Variants in TENM3 observed in about 807,000 individuals in gnomAD.
TENM3 encodes teneurin transmembrane protein 3.
TENM3 carries 63 observed loss-of-function variants against 255.1 expected under a neutral mutation model. That is an observed-to-expected ratio of 0.25 (90% CI 0.20 to 0.30). TENM3 has a LOEUF of 0.30. TENM3 is among the 10% of genes least tolerant of loss of function. The probability of loss-of-function intolerance (pLI) is 1.00; values close to 1 mark genes in which losing one functional copy is unlikely to be tolerated. For missense variants in TENM3, 2,929 were observed against 3,461.1 expected, an observed-to-expected ratio of 0.85 and a Z score of 3.86; for synonymous variants, 1,306 against 1,322.3, an observed-to-expected ratio of 0.99 and a Z score of 0.27.
chr4:182,193,836 T>C (rs1173332449), intron 1 of TENM3, among the ~76,000 whole-genome samples: 1 of 152,154 alleles, frequency 6.6e-6, no homozygotes, highest in East Asian at 1.9e-4. Flanking sequence ...TAAGAAATGG[T>C]AAAAGTTGAA....
chr4:182,407,077 A>G (rs1006257065), intron 3 of TENM3, among the ~76,000 whole-genome samples: 1 of 152,196 alleles, frequency 6.6e-6, no homozygotes, highest in Non-Finnish European at 1.5e-5. Context: ...GTTCGACTGT[A>G]AAATAAACAG....
chr4:181,577,884 T>G, the TENM3 span, among the ~76,000 whole-genome samples: 1 of 152,190 alleles, frequency 6.6e-6, no homozygotes, highest in Admixed American at 6.5e-5. Context: ...AATTGTCTCT[T>G]TTGTCCCCAG....
the TENM3 span, among the ~76,000 whole-genome samples, chr4:182,015,433 A>G: frequency 6.6e-5 from 10 of 152,076 alleles, no homozygotes; most frequent in Non-Finnish European, 7.4e-5. Flanking sequence ...CTCTGTTTGG[A>G]CTTCTTACTG....
At chr4:181,515,673 T>C in the TENM3 span, among the ~76,000 whole-genome samples, 2 of 152,160 alleles carry the variant, frequency 1.3e-5, no homozygotes, top group African/African-American at 2.4e-5. Context: ...CATGTCCTAA[T>C]ACTTTTCCTG....
intron 3 of TENM3, among the ~76,000 whole-genome samples, chr4:182,410,454 C>T (rs1021982034): frequency 2.0e-5 from 3 of 152,204 alleles, no homozygotes; most frequent in Admixed American, 6.5e-5. Context: ...CCTCTGTCTC[C>T]CGAGGCTCAC....
intron 3 of TENM3, among the ~76,000 whole-genome samples, chr4:182,527,494 A>T (rs1048512195): frequency 1.9e-4 from 6 of 32,288 alleles, no homozygotes; most frequent in Non-Finnish European, 7.0e-4. Context: ...TGTTGGTTTA[A>T]AAAAAAAAAA....
chr4:181,731,397 G>A, the TENM3 span, among the ~76,000 whole-genome samples: 152 of 152,044 alleles, frequency 1.0e-3, no homozygotes, highest in African/African-American at 3.6e-3. Flanking sequence ...TTTGTCACCC[G>A]GGCTGGAGTG....
At chr4:181,664,267 A>G in the TENM3 span, among the ~76,000 whole-genome samples, 1 of 152,046 alleles carries the variant, frequency 6.6e-6, no homozygotes, top group Non-Finnish European at 1.5e-5. Flanking sequence ...CAGGCATCCA[A>G]GACACCAGCC....
chr4:182,594,683 GGTGTGTGTGTGTGTGTGTGT>G (rs67667219), intron 3 of TENM3, among the ~76,000 whole-genome samples: 8 of 138,252 alleles, frequency 5.8e-5, no homozygotes, highest in African/African-American at 1.7e-4. Context: ...TTTTTGTTTT[GGTGTGTGTGTGTGTGTGTGT>G]GTGTGTGTGT....
At chr4:182,169,290 CAGA>C (rs766641495) in intron 1 of TENM3, 2 of 480,210 alleles carry the variant, frequency 4.2e-6, no homozygotes, top group South Asian at 3.1e-5. Context: ...TATAGCATTT[CAGA>C]AGATCCTGCT....
chr4:181,541,586 C>T, the TENM3 span, among the ~76,000 whole-genome samples: 2 of 152,132 alleles, frequency 1.3e-5, no homozygotes, highest in African/African-American at 4.8e-5. Flanking sequence ...CCACTGCATC[C>T]TATTGCAGAG....
intron 3 of TENM3, among the ~76,000 whole-genome samples, chr4:182,588,722 GAT>G (rs1581029090): frequency 2.0e-5 from 3 of 152,146 alleles, no homozygotes; most frequent in African/African-American, 7.2e-5. Flanking sequence ...ATGTATAAAA[GAT>G]ATGTTTATGT....
the TENM3 span, among the ~76,000 whole-genome samples, chr4:181,696,622 G>C: frequency 1.3e-5 from 2 of 152,038 alleles, no homozygotes; most frequent in African/African-American, 4.8e-5. Context: ...TCAAGTAAGG[G>C]GCCAAATTTG....
chr4:181,630,952 C>T, the TENM3 span, among the ~76,000 whole-genome samples: 1 of 152,146 alleles, frequency 6.6e-6, no homozygotes, highest in African/African-American at 2.4e-5. Flanking sequence ...GAAACATACC[C>T]ACTTATTGGC....
At chr4:182,204,039 G>A (rs770654576) in intron 1 of TENM3, among the ~76,000 whole-genome samples, 26 of 152,322 alleles carry the variant, frequency 1.7e-4, no homozygotes, top group Non-Finnish European at 2.6e-4. Context: ...TCAGAGCGCC[G>A]ACAGTAATGG....
intron 1 of TENM3, among the ~76,000 whole-genome samples, chr4:182,279,229 G>A (rs145077201): frequency 6.6e-6 from 1 of 151,832 alleles, no homozygotes; most frequent in Admixed American, 6.6e-5. Flanking sequence ...TTCTGTGTGC[G>A]CTTTTAAAAT....
chr4:182,108,383 G>C, the TENM3 span, among the ~76,000 whole-genome samples: 1 of 152,128 alleles, frequency 6.6e-6, no homozygotes, highest in Non-Finnish European at 1.5e-5. Flanking sequence ...TTTTTCCTTC[G>C]TTTCCTGGAA....
At chr4:181,652,892 T>C in the TENM3 span, among the ~76,000 whole-genome samples, 6 of 152,234 alleles carry the variant, frequency 3.9e-5, no homozygotes, top group Non-Finnish European at 7.3e-5. Flanking sequence ...TGCTGTGACC[T>C]TTGCCAAGAT....
intron 1 of TENM3, among the ~76,000 whole-genome samples, chr4:182,317,492 G>T (rs1174610369): frequency 6.6e-6 from 1 of 151,938 alleles, no homozygotes. Context: ...GTTTGGTTTG[G>T]TTTTTGTAGA....
Sources: allele counts gnomAD v4.1 joint callset (sites outside exome capture counted in the v4.1 genomes callset), GRCh38; gene constraint gnomAD v4.1.1; transcripts MANE v1.5; gene names NCBI Gene and HGNC (gene_info 2026-07-23, HGNC 2026-07-21).